GOLGA1: variants seen among roughly 807,000 people sequenced by gnomAD.
The protein encoded by GOLGA1 is golgin A1.
In GOLGA1, 63 loss-of-function variants were observed where a neutral mutation model predicts 119.7. The observed-to-expected ratio is 0.53, with a 90% CI of 0.43 to 0.65. GOLGA1 has a LOEUF of 0.65. GOLGA1 is among the 30% of genes least tolerant of loss of function. The probability of loss-of-function intolerance (pLI) is 0.00; values close to 1 mark genes in which losing one functional copy is unlikely to be tolerated. For synonymous variants in GOLGA1, 318 were observed against 333.4 expected (o/e 0.95, Z 0.50); for missense variants, 798 against 912.8 (o/e 0.87, Z 1.62).
chr9:124,938,321 C>T (rs577291833), intron 3 of GOLGA1, among the ~76,000 whole-genome samples: 14 of 151,748 alleles, frequency 9.2e-5, no homozygotes, highest in South Asian at 6.3e-4. Flanking sequence ...GGTATATAGA[C>T]GGAAAAACAG....
In GOLGA1 at chr9:124,889,253, C is replaced by T. The variant is rs766031873; in HGVS notation, c.1651G>A (p.Ala551Thr). The T allele has an allele frequency of 4.3e-6, 7 of 1,613,928 alleles. No homozygotes were observed. The highest frequency in any genetic ancestry group is 1.3e-5 in the African/African-American group (1 of 75,062). ...QIHQLQAELE[A>T]LRTLKAEEAA... ...TCCTCCGCCTTGAGGGTCCTCAGGG[C>T]CTCCAGCTCGGCCTGCAGCTGGTGT... is the stretch of plus-strand genomic sequence containing the variant. Residue 551 changes from alanine to threonine, a missense_variant, in exon 18 of 23, where the codon GCC becomes ACC. Transcript: ENST00000373555.
At chr9:124,891,799 C>T (rs1370607321) in intron 15 of GOLGA1, among the ~76,000 whole-genome samples, 3 of 147,248 alleles carry the variant, frequency 2.0e-5, no homozygotes, top group East Asian at 2.1e-4. Context: ...CATGTGCCAC[C>T]ACACCCAGCT....
At chr9:124,937,506 C>A (rs1314176165) in intron 3 of GOLGA1, among the ~76,000 whole-genome samples, 1 of 151,680 alleles carries the variant, frequency 6.6e-6, no homozygotes, top group Non-Finnish European at 1.5e-5. Context: ...TCGTGGGCAC[C>A]TGCAGTCCCA....
intron 3 of GOLGA1, among the ~76,000 whole-genome samples, chr9:124,933,841 C>T (rs142735456): frequency 5.3e-4 from 81 of 152,090 alleles, no homozygotes; most frequent in African/African-American, 1.8e-3. Context: ...TGTCACAACT[C>T]ATTGCTGGGA....
upstream of GOLGA1, chr9:124,943,790 TAAA>T: frequency 6.6e-6 from 1 of 152,130 alleles, no homozygotes. Flanking sequence ...GATTAGAACT[TAAA>T]AAAGGGAAAC....
At chr9:124,910,229 T>C (rs1830314722) in intron 11 of GOLGA1, among the ~76,000 whole-genome samples, 1 of 151,958 alleles carries the variant, frequency 6.6e-6, no homozygotes, top group South Asian at 2.1e-4. Flanking sequence ...GCGCCTGGCC[T>C]AATTTTTGTA....
intron 17 of GOLGA1, 51 bp downstream of exon 17, chr9:124,889,383 G>A (rs1381068274): frequency 6.3e-7 from 1 of 1,591,662 alleles, no homozygotes; most frequent in Non-Finnish European, 8.6e-7. Flanking sequence ...CACAAGGCAG[G>A]ATGCTGGGCC....
intron 4 of GOLGA1, among the ~76,000 whole-genome samples, chr9:124,929,863 C>T (rs184213122): frequency 6.6e-6 from 1 of 152,154 alleles, no homozygotes; most frequent in Non-Finnish European, 1.5e-5. Flanking sequence ...ATCTAGGTGG[C>T]CAAAGAAGAT....
rs1829584558 is a variant in GOLGA1 at position 124,881,652 on chromosome 9, G to A, written c.2136+132C>T. ...GCAGGCCAACGCCAGCAGGAGAAAT[G>A]ACTGGGTGACCACAAGGGCGTCAAA... On this transcript the variant is annotated intron_variant, in intron 21 of 22. Coordinates refer to ENST00000373555, the MANE Select transcript of GOLGA1 (RefSeq NM_002077.4). This position sits in a 1 kb window ranked among gnomAD's most constrained non-coding sequence, Gnocchi z 4.9. The A allele has an allele frequency of 4.3e-6, 3 of 703,534 alleles. No homozygotes were observed. The highest frequency in any genetic ancestry group is 7.4e-6 in the Non-Finnish European group (3 of 405,844). 43.6% of individuals were successfully genotyped at this position (703,534 alleles called of 1,614,324 possible). A position where few individuals can be genotyped will look rare whatever the true frequency, so the allele number is the denominator to read the frequency against.
intron 16 of GOLGA1, 66 bp downstream of exon 16, chr9:124,890,323 C>A: frequency 9.3e-7 from 1 of 1,075,960 alleles, no homozygotes; most frequent in East Asian, 2.3e-5. Flanking sequence ...AGTCTCACGG[C>A]AGGATGGGCC....
At chr9:124,906,346 G>A (rs1046605875) in intron 12 of GOLGA1, among the ~76,000 whole-genome samples, 1 of 151,962 alleles carries the variant, frequency 6.6e-6, no homozygotes, top group African/African-American at 2.4e-5. Context: ...CAGGAGAATC[G>A]CTGGAACCCA....
chr9:124,933,443 CAG>C (rs1395884406), intron 3 of GOLGA1, among the ~76,000 whole-genome samples: 1 of 150,010 alleles, frequency 6.7e-6, no homozygotes, highest in Non-Finnish European at 1.5e-5. Flanking sequence ...TTTATTTAGA[CAG>C]AGTCTCGCTC....
upstream of GOLGA1, chr9:124,945,920 GT>G: frequency 6.6e-6 from 1 of 152,112 alleles, no homozygotes; most frequent in Non-Finnish European, 1.5e-5. Context: ...AGCAAAAATA[GT>G]TGTAAAGTAT....
intron 15 of GOLGA1, among the ~76,000 whole-genome samples, chr9:124,894,380 TTGTGTGTGTGTGTGTGTGTGTG>T (rs35289660): frequency 6.8e-6 from 1 of 147,722 alleles, no homozygotes; most frequent in South Asian, 2.1e-4. Flanking sequence ...ATTTAAAGTT[TTGTGTGTGTGTGTGTGTGTGTG>T]TGTGTGTGTG....
At chr9:124,922,856 G>C (rs1416729659) in intron 8 of GOLGA1, among the ~76,000 whole-genome samples, 1 of 151,044 alleles carries the variant, frequency 6.6e-6, no homozygotes, top group Non-Finnish European at 1.5e-5. Flanking sequence ...ATACCCAGTA[G>C]TTAAAAACAA....
intron 5 of GOLGA1, 123 bp downstream of exon 5, chr9:124,929,093 A>C (rs755549782): frequency 4.3e-5 from 29 of 671,202 alleles, no homozygotes; most frequent in Non-Finnish European, 7.3e-5. Context: ...CTGATTAAGA[A>C]GTACACTACT....
chr9:124,892,243 C>T (rs1057104341), intron 15 of GOLGA1, among the ~76,000 whole-genome samples: 2 of 152,218 alleles, frequency 1.3e-5, no homozygotes, highest in African/African-American at 4.8e-5. Flanking sequence ...GGGTGAGCCA[C>T]CACGCCGGGC....
intron 11 of GOLGA1, among the ~76,000 whole-genome samples, chr9:124,909,256 G>A (rs1028399964): frequency 4.0e-5 from 6 of 151,854 alleles, no homozygotes; most frequent in Admixed American, 1.3e-4. Context: ...GAGTTGCAGT[G>A]AGCAGAGATT....
chr9:124,911,868 A>T, intron 11 of GOLGA1, 33 bp downstream of exon 11: 3 of 1,599,228 alleles, frequency 1.9e-6, no homozygotes, highest in Non-Finnish European at 2.6e-6. Context: ...CTGCCTTTCC[A>T]ACACCAGCCA....
Sources: allele counts gnomAD v4.1 joint callset (sites outside exome capture counted in the v4.1 genomes callset), GRCh38; gene constraint gnomAD v4.1.1; non-coding constraint Gnocchi (gnomAD v3.1); transcripts MANE v1.5; gene names NCBI Gene and HGNC (gene_info 2026-07-23, HGNC 2026-07-21).